Variants in CENPP observed in about 807,000 individuals in gnomAD.
CENPP encodes the protein centromere protein P.
Under a neutral mutation model 35.6 loss-of-function variants are expected in CENPP, and 24 were observed. The ratio of observed to expected loss-of-function variants is 0.67; its 90% CI spans 0.49 to 0.95. CENPP has a LOEUF of 0.95. Among genes scored for constraint, CENPP ranks in the 40% least tolerant of loss-of-function variants. The probability of loss-of-function intolerance (pLI) is 0.00; values close to 1 mark genes in which losing one functional copy is unlikely to be tolerated. For synonymous variants in CENPP, 120 were observed against 125.5 expected (o/e 0.96, Z 0.29); for missense variants, 332 against 345.3 (o/e 0.96, Z 0.31).
chr9:92,400,345 TTC>T (rs1311789475), intron 5 of CENPP, among the ~76,000 whole-genome samples: 1 of 152,126 alleles, frequency 6.6e-6, no homozygotes, highest in African/African-American at 2.4e-5. Context: ...GAGACAGGGT[TTC>T]ACCATCTTGA....
At chr9:92,352,511 A>AGTGTGTGTGTGTG (rs1564274075) in intron 4 of CENPP, among the ~76,000 whole-genome samples, 2 of 31,672 alleles carry the variant, frequency 6.3e-5, no homozygotes, top group African/African-American at 4.9e-4. Context: ...GTGTGTATAC[A>AGTGTGTGTGTGTG]TATATATATA....
At chr9:92,405,639 G>C (rs1277490805) in intron 5 of CENPP, among the ~76,000 whole-genome samples, 1 of 152,084 alleles carries the variant, frequency 6.6e-6, no homozygotes, top group Non-Finnish European at 1.5e-5. Flanking sequence ...TGAAACAACA[G>C]ACATTGATTT....
intron 5 of CENPP, among the ~76,000 whole-genome samples, chr9:92,549,631 A>G (rs898065743): frequency 6.8e-6 from 1 of 146,574 alleles, no homozygotes; most frequent in African/African-American, 2.6e-5. Context: ...TGAGTGGGAG[A>G]GCATGACTCC....
chr9:92,363,989 C>A (rs1033115717), intron 4 of CENPP, among the ~76,000 whole-genome samples: 5 of 152,076 alleles, frequency 3.3e-5, no homozygotes, highest in Non-Finnish European at 5.9e-5. Context: ...GCTGGAACCA[C>A]AGGCATGCAC....
At chr9:92,327,974 G>A (rs1003170577) in intron 1 of CENPP, among the ~76,000 whole-genome samples, 1 of 152,118 alleles carries the variant, frequency 6.6e-6, no homozygotes, top group African/African-American at 2.4e-5. Context: ...ATGCTGGTCA[G>A]TTGTTGTGTC....
chr9:92,530,523 C>A (rs1435788667), intron 5 of CENPP, among the ~76,000 whole-genome samples: 1 of 152,096 alleles, frequency 6.6e-6, no homozygotes, highest in East Asian at 1.9e-4. Flanking sequence ...TACTATTAAC[C>A]TATTTGTTCA....
At chr9:92,445,611 T>C (rs921517915) in intron 5 of CENPP, among the ~76,000 whole-genome samples, 1 of 152,080 alleles carries the variant, frequency 6.6e-6, no homozygotes, top group African/African-American at 2.4e-5. Flanking sequence ...TGGCCGGGCG[T>C]GGTAGCTCAC....
At chr9:92,582,983 G>A (rs1850464795) in intron 5 of CENPP, among the ~76,000 whole-genome samples, 1 of 152,098 alleles carries the variant, frequency 6.6e-6, no homozygotes, top group African/African-American at 2.4e-5. Flanking sequence ...CTCCCAAAAG[G>A]TGTTGTCTTC....
At chr9:92,523,246 G>A (rs935504549) in intron 5 of CENPP, among the ~76,000 whole-genome samples, 1 of 152,098 alleles carries the variant, frequency 6.6e-6, no homozygotes, top group African/African-American at 2.4e-5. Context: ...TGCCTGTTCA[G>A]AACTTTTTTG....
intron 4 of CENPP, among the ~76,000 whole-genome samples, chr9:92,355,215 C>T (rs548849797): frequency 3.3e-5 from 5 of 152,202 alleles, no homozygotes; most frequent in South Asian, 4.1e-4. Context: ...GAGACCAGGG[C>T]GTATCTCAGT....
intron 5 of CENPP, among the ~76,000 whole-genome samples, chr9:92,549,063 A>G (rs1166443502): frequency 6.6e-6 from 1 of 152,224 alleles, no homozygotes; most frequent in Non-Finnish European, 1.5e-5. Flanking sequence ...ACAGTGGCAC[A>G]GAAAGACAGC....
At chr9:92,447,609 C>A (rs1418487911) in intron 5 of CENPP, among the ~76,000 whole-genome samples, 2 of 152,146 alleles carry the variant, frequency 1.3e-5, no homozygotes, top group Non-Finnish European at 2.9e-5. Context: ...GGGTTATAGA[C>A]CCCTGGCATA....
At chr9:92,348,367 CCTT>C (rs947843119) in intron 4 of CENPP, among the ~76,000 whole-genome samples, 3 of 151,558 alleles carry the variant, frequency 2.0e-5, no homozygotes, top group African/African-American at 7.3e-5. Context: ...CTGCTATGCT[CCTT>C]CTTCCTTAAG....
intron 5 of CENPP, among the ~76,000 whole-genome samples, chr9:92,459,096 TAAA>T (rs982773010): frequency 1.3e-5 from 2 of 152,048 alleles, no homozygotes; most frequent in African/African-American, 4.8e-5. Context: ...TAATAATGAA[TAAA>T]AACAAACAAC....
rs549446059 is a variant in CENPP at position 92,611,111 on chromosome 9, G to C, written c.565-203G>C. On this transcript the variant is annotated intron_variant, in intron 5 of 7. Coordinates refer to ENST00000375587, the MANE Select transcript of CENPP (RefSeq NM_001012267.3). ...CATGATGGGGAAGCAGCAGTCATGG[G>C]AGCCTGGAGGCTGTGGAGAGACCTA... 8 of 609,906 alleles carry C rather than the reference G, an allele frequency of 1.3e-5. No homozygotes were observed. The South Asian group carries it at 1.4e-4, about 10-fold the overall frequency. 37.8% of individuals were successfully genotyped at this position (609,906 alleles called of 1,614,324 possible).
At chr9:92,430,567 G>A (rs1289902336) in intron 5 of CENPP, among the ~76,000 whole-genome samples, 3 of 151,934 alleles carry the variant, frequency 2.0e-5, no homozygotes, top group South Asian at 2.1e-4. Flanking sequence ...TGTTGACCAC[G>A]CTAGTCTCGA....
intron 4 of CENPP, among the ~76,000 whole-genome samples, chr9:92,376,474 G>A (rs1279362518): frequency 6.6e-6 from 1 of 152,176 alleles, no homozygotes; most frequent in African/African-American, 2.4e-5. Context: ...TATTTAATAG[G>A]TGAAAGAAGG....
At chr9:92,388,848 A>T (rs1357762746) in intron 5 of CENPP, among the ~76,000 whole-genome samples, 1 of 151,864 alleles carries the variant, frequency 6.6e-6, no homozygotes, top group Non-Finnish European at 1.5e-5. Context: ...AAAAAAAAAA[A>T]AGGTGTATCT....
intron 4 of CENPP, among the ~76,000 whole-genome samples, chr9:92,356,052 C>T (rs993343521): frequency 1.3e-5 from 2 of 152,122 alleles, no homozygotes; most frequent in Non-Finnish European, 2.9e-5. Flanking sequence ...AACTATTTTA[C>T]TAACTGATTG....
Sources: allele counts gnomAD v4.1 joint callset (sites outside exome capture counted in the v4.1 genomes callset), GRCh38; gene constraint gnomAD v4.1.1; transcripts MANE v1.5; gene names NCBI Gene and HGNC (gene_info 2026-07-23, HGNC 2026-07-21).